The following CPQ variants were observed in gnomAD, a reference collection of about 807,000 sequenced individuals.
The protein encoded by CPQ is carboxypeptidase Q.
In CPQ, 37 loss-of-function variants were observed where a neutral mutation model predicts 45.7. The ratio of observed to expected loss-of-function variants is 0.81; its 90% confidence interval spans 0.62 to 1.07. The LOEUF (loss-of-function observed/expected upper bound fraction) is 1.07, where lower values mean the gene tolerates loss of function less well. Among genes scored for constraint, CPQ ranks in the 50% least tolerant of loss-of-function variants. The pLI is 0.00. For synonymous variants in CPQ, 186 were observed against 205.8 expected (o/e 0.90, Z 0.82); for missense variants, 537 against 572.9 (o/e 0.94, Z 0.64).
chr8:96,869,956 A>T (rs1003876289), intron 3 of CPQ, among the ~76,000 whole-genome samples: 28 of 152,088 alleles, frequency 1.8e-4, no homozygotes, highest in African/African-American at 6.3e-4. Context: ...GTGGTCCAGA[A>T]ATTGAGCTTG....
intron 2 of CPQ, among the ~76,000 whole-genome samples, chr8:96,794,731 G>T (rs996571423): frequency 6.6e-6 from 1 of 152,132 alleles, no homozygotes; most frequent in Non-Finnish European, 1.5e-5. Context: ...CATCTTGAAT[G>T]CTTTGCTGCT....
chr8:96,708,140 C>A (rs1250733619), intron 1 of CPQ, among the ~76,000 whole-genome samples: 2 of 151,952 alleles, frequency 1.3e-5, no homozygotes, highest in Non-Finnish European at 2.9e-5. Flanking sequence ...TCTCTCTGTC[C>A]CCTTCTTCTA....
intron 2 of CPQ, among the ~76,000 whole-genome samples, chr8:96,787,392 G>A (rs372865327): frequency 2.6e-5 from 4 of 151,750 alleles, no homozygotes; most frequent in African/African-American, 9.7e-5. Flanking sequence ...TGCATTACTG[G>A]GATAAACCCC....
chr8:96,669,641 C>G (rs1808976224), intron 1 of CPQ, among the ~76,000 whole-genome samples: 1 of 152,070 alleles, frequency 6.6e-6, no homozygotes, highest in Admixed American at 6.5e-5. Flanking sequence ...TGGACAAGTT[C>G]TAATATATCA....
chr8:96,790,082 G>A (rs1330152962), intron 2 of CPQ, among the ~76,000 whole-genome samples: 1 of 152,030 alleles, frequency 6.6e-6, no homozygotes, highest in Non-Finnish European at 1.5e-5. Flanking sequence ...CCCCTTAATT[G>A]TTCTTCACCA....
rs557026442 is a variant in CPQ, at chr8:96,770,875, A to T, written c.-34-13989A>T. Among the ~76,000 whole-genome samples, 33 of 149,006 alleles carry T rather than the reference A, an allele frequency of 2.2e-4. 1 individual carries two copies. The South Asian group carries it at 6.9e-3, about 31-fold the overall frequency. ...GCTCTAGCACAGCCACCAGGCATAC[A>T]ATTAGGGAGGAGAAGTGGATGTACA... On this transcript the variant is annotated intron_variant, in intron 1 of 7. Coordinates refer to ENST00000220763, the MANE Select transcript of CPQ (RefSeq NM_016134.4).
intron 2 of CPQ, among the ~76,000 whole-genome samples, chr8:96,829,296 C>G (rs1471087443): frequency 2.6e-5 from 4 of 152,102 alleles, no homozygotes; most frequent in Non-Finnish European, 5.9e-5. Context: ...TAATTTGAGC[C>G]AGATCTCAGG....
chr8:96,870,531 C>T (rs1344419957), intron 3 of CPQ, among the ~76,000 whole-genome samples: 1 of 151,908 alleles, frequency 6.6e-6, no homozygotes, highest in African/African-American at 2.4e-5. Context: ...AGCATGACTC[C>T]AGCCAGATTC....
At chr8:96,716,237 A>G (rs1233995773) in intron 1 of CPQ, among the ~76,000 whole-genome samples, 1 of 152,228 alleles carries the variant, frequency 6.6e-6, no homozygotes, top group African/African-American at 2.4e-5. Flanking sequence ...CACTTGCAAA[A>G]GAGTGCCAGC....
intron 6 of CPQ, among the ~76,000 whole-genome samples, chr8:97,064,883 T>C (rs567633563): frequency 1.6e-4 from 25 of 152,176 alleles, no homozygotes; most frequent in Non-Finnish European, 3.2e-4. Context: ...GAGCCAGCGC[T>C]ACCATTTGCC....
chr8:96,698,837 C>A (rs1304485006), intron 1 of CPQ, among the ~76,000 whole-genome samples: 2 of 152,056 alleles, frequency 1.3e-5, no homozygotes, highest in Non-Finnish European at 2.9e-5. Context: ...ATAACAAATG[C>A]TGGCAAGGAT....
chr8:96,974,293 T>TA (rs1813737628), intron 5 of CPQ, among the ~76,000 whole-genome samples: 1 of 152,162 alleles, frequency 6.6e-6, no homozygotes. Context: ...TATATAATGA[T>TA]AAAAGGACTA....
chr8:97,018,716 C>T (rs971576584), intron 5 of CPQ, among the ~76,000 whole-genome samples: 1 of 152,060 alleles, frequency 6.6e-6, no homozygotes, highest in Non-Finnish European at 1.5e-5. Flanking sequence ...AACAAAGCCT[C>T]CAAGAAGTCT....
rs550434199 is a variant in CPQ, at chr8:96,772,512, G to A, written c.-34-12352G>A. Among the ~76,000 whole-genome samples the A allele has an allele frequency of 1.6e-4, 25 of 152,142 alleles. No homozygotes were observed. In the South Asian group the frequency reaches 5.0e-3, roughly 30 times the overall value. On this transcript the variant is annotated intron_variant, in intron 1 of 7. Coordinates refer to ENST00000220763, the MANE Select transcript of CPQ (RefSeq NM_016134.4). Reference sequence around the variant, plus strand: ...TAGATGAGCTCAAATGATATATGGTGCCTTGATGTGAATGACTTTGCCAGT... The same window carrying A: ...TAGATGAGCTCAAATGATATATGGTACCTTGATGTGAATGACTTTGCCAGT...
chr8:96,938,531 A>G (rs10447959), intron 4 of CPQ, among the ~76,000 whole-genome samples: 61,734 of 152,044 alleles, frequency 0.41, 12,761 homozygotes, highest in African/African-American at 0.49. Flanking sequence ...CTGAAGGGGC[A>G]CAGAGAGGAA....
At chr8:96,669,035 T>C (rs1172252158) in intron 1 of CPQ, among the ~76,000 whole-genome samples, 1 of 152,248 alleles carries the variant, frequency 6.6e-6, no homozygotes, top group Non-Finnish European at 1.5e-5. Context: ...AGTGGATATC[T>C]TAGATGTCTA....
At chr8:97,103,209 T>C (rs1479975622) in intron 7 of CPQ, among the ~76,000 whole-genome samples, 1 of 152,100 alleles carries the variant, frequency 6.6e-6, no homozygotes, top group African/African-American at 2.4e-5. Flanking sequence ...AAGGAAAAGG[T>C]GACACTCACG....
chr8:97,075,509 T>A (rs1256503865), intron 7 of CPQ, among the ~76,000 whole-genome samples: 3 of 152,152 alleles, frequency 2.0e-5, no homozygotes, highest in Non-Finnish European at 4.4e-5. Context: ...GAAAACTGAT[T>A]TTGGTTAGCT....
At chr8:97,084,494 C>T (rs1811007656) in intron 7 of CPQ, among the ~76,000 whole-genome samples, 1 of 152,096 alleles carries the variant, frequency 6.6e-6, no homozygotes, top group African/African-American at 2.4e-5. Context: ...CAGAATGCCA[C>T]ATTCATCAAA....
Sources: gnomAD v4.1 joint callset for allele counts (sites outside exome capture counted in the v4.1 genomes callset) on GRCh38, gnomAD v4.1.1 for gene constraint, MANE v1.5 for transcripts, NCBI Gene and HGNC (gene_info 2026-07-23, HGNC 2026-07-21) for gene names.